The following CADM2 variants were observed in gnomAD, a reference collection of about 807,000 sequenced individuals.
CADM2 encodes cell adhesion molecule 2.
CADM2 carries 12 observed loss-of-function variants against 49.8 expected under a neutral mutation model. The observed-to-expected ratio is 0.24, with a 90% CI of 0.15 to 0.39. The LOEUF (loss-of-function observed/expected upper bound fraction) is 0.39. Among genes scored for constraint, CADM2 ranks in the 10% least tolerant of loss-of-function variants. CADM2 has a pLI of 1.00. For missense variants in CADM2, 378 were observed against 492.3 expected, an observed-to-expected ratio of 0.77 and a Z score of 2.20; for synonymous variants, 214 against 175.4, an observed-to-expected ratio of 1.22 and a Z score of -1.74.
intron 1 of CADM2, among the ~76,000 whole-genome samples, chr3:85,524,173 G>A (rs1464789938): frequency 6.6e-6 from 1 of 151,980 alleles, no homozygotes; most frequent in African/African-American, 2.4e-5. Context: ...TTCCCAAAGA[G>A]GCAGCTTTTT....
At chr3:85,347,546 A>C (rs995169256) in intron 1 of CADM2, among the ~76,000 whole-genome samples, 88 of 146,216 alleles carry the variant, frequency 6.0e-4, no homozygotes, top group Non-Finnish European at 1.0e-3. Flanking sequence ...CACATATATA[A>C]ATATATATAC....
intron 5 of CADM2, among the ~76,000 whole-genome samples, chr3:85,886,622 T>C (rs6796380): frequency 0.66 from 100,167 of 152,026 alleles, 33,604 homozygotes; most frequent in African/African-American, 0.77. Flanking sequence ...TATAGATTCA[T>C]ACTTCACAAT....
intron 8 of CADM2, among the ~76,000 whole-genome samples, chr3:86,022,061 C>G (rs1733263452): frequency 6.6e-6 from 1 of 152,136 alleles, no homozygotes; most frequent in South Asian, 2.1e-4. Context: ...TGCATTTTTA[C>G]TGTCTATATG....
Position 85,089,388 on chromosome 3 carries a change from A to C in CADM2, c.61+129720A>C, listed in dbSNP as rs144288820. ...AACAGAACTACAATGAAGTAATTTG[A>C]GTATTTTAAACTTGATACAATGCCT... On this transcript the variant is annotated intron_variant, in intron 1 of 9. Transcript: ENST00000383699. Among the ~76,000 whole-genome samples the C allele has an allele frequency of 3.5e-3, 540 of 152,244 alleles. 8 individuals carry two copies. Among genetic ancestry groups the C allele is most frequent in the African/African-American group, 0.011 (461 of 41,580 alleles).
intron 1 of CADM2, among the ~76,000 whole-genome samples, chr3:85,096,870 T>C (rs2107534705): frequency 6.6e-6 from 1 of 152,314 alleles, no homozygotes; most frequent in South Asian, 2.1e-4. Context: ...TTGTTTAACC[T>C]TCAGAGAATT....
At chr3:85,131,523 C>T (rs986814691) in intron 1 of CADM2, among the ~76,000 whole-genome samples, 1 of 152,028 alleles carries the variant, frequency 6.6e-6, no homozygotes, top group African/African-American at 2.4e-5. Flanking sequence ...TTGTAATACC[C>T]CTATAATGGA....
chr3:85,920,894 T>C (rs1282741717), intron 6 of CADM2, among the ~76,000 whole-genome samples: 1 of 151,582 alleles, frequency 6.6e-6, no homozygotes. Flanking sequence ...TATAACATAC[T>C]CTCAAATTTC....
At chr3:85,447,378 T>C (rs529789475) in intron 1 of CADM2, among the ~76,000 whole-genome samples, 3 of 152,314 alleles carry the variant, frequency 2.0e-5, no homozygotes, top group Admixed American at 6.5e-5. Context: ...TAGTTGATTT[T>C]AAATTCCTTT....
chr3:85,474,351 C>CT (rs1347885394), intron 1 of CADM2, among the ~76,000 whole-genome samples: 5 of 151,864 alleles, frequency 3.3e-5, no homozygotes, highest in African/African-American at 1.2e-4. Context: ...GGAGGCCAGT[C>CT]TTTGTTTTAA....
chr3:85,945,843 G>A (rs537495632), intron 7 of CADM2, among the ~76,000 whole-genome samples: 1 of 152,148 alleles, frequency 6.6e-6, no homozygotes, highest in African/African-American at 2.4e-5. Context: ...GCAAAAACTG[G>A]AAGCATTCCC....
At chr3:85,644,753 C>A (rs954359342) in intron 1 of CADM2, among the ~76,000 whole-genome samples, 1 of 152,146 alleles carries the variant, frequency 6.6e-6, no homozygotes, top group Non-Finnish European at 1.5e-5. Context: ...AACTCTGGCT[C>A]ATTTCTAGAG....
intron 1 of CADM2, among the ~76,000 whole-genome samples, chr3:85,165,844 T>C (rs1415992317): frequency 6.6e-6 from 1 of 151,844 alleles, no homozygotes; most frequent in East Asian, 1.9e-4. Flanking sequence ...TCTCTGAATC[T>C]AATATTCTCA....
chr3:85,786,730 T>C (rs976604072), intron 2 of CADM2, among the ~76,000 whole-genome samples: 16 of 152,072 alleles, frequency 1.1e-4, no homozygotes, highest in Non-Finnish European at 8.8e-5. Context: ...CAGTATCTTA[T>C]GTCTGTCAGA....
At chr3:85,479,740 A>T (rs2039131549) in intron 1 of CADM2, among the ~76,000 whole-genome samples, 1 of 151,936 alleles carries the variant, frequency 6.6e-6, no homozygotes, top group African/African-American at 2.4e-5. Context: ...TTATTTAGCT[A>T]AGTGGTGCTG....
chr3:85,387,562 T>C (rs1195642413), intron 1 of CADM2, among the ~76,000 whole-genome samples: 1 of 152,188 alleles, frequency 6.6e-6, no homozygotes, highest in African/African-American at 2.4e-5. Context: ...AACACTGAAC[T>C]CTTGTATAAC....
chr3:85,049,327 GTTTA>G (rs141705505), intron 1 of CADM2, among the ~76,000 whole-genome samples: 51,583 of 146,066 alleles, frequency 0.35, 11,376 homozygotes, highest in Non-Finnish European at 0.5. Context: ...TGCAGGTTTA[GTTTA>G]TTTATTTATT....
chr3:85,110,996 C>T (rs1156842916), intron 1 of CADM2, among the ~76,000 whole-genome samples: 1 of 151,756 alleles, frequency 6.6e-6, no homozygotes, highest in Non-Finnish European at 1.5e-5. Flanking sequence ...GTATGTCTTT[C>T]CCATCTACCT....
At chr3:85,761,563 G>A (rs1053671479) in intron 2 of CADM2, among the ~76,000 whole-genome samples, 3 of 151,558 alleles carry the variant, frequency 2.0e-5, no homozygotes, top group African/African-American at 2.4e-5. Context: ...TTTTAATAGA[G>A]ATGGGGTTTC....
At chr3:85,549,789 A>ATTTTTTTTTTTTTTT (rs71617942) in intron 1 of CADM2, among the ~76,000 whole-genome samples, 6 of 134,836 alleles carry the variant, frequency 4.4e-5, no homozygotes, top group African/African-American at 1.1e-4. Flanking sequence ...ATGCTGGGCT[A>ATTTTTTTTTTTTTTT]TTTTTTTTTT....
Sources: allele counts gnomAD v4.1 joint callset (sites outside exome capture counted in the v4.1 genomes callset), GRCh38; gene constraint gnomAD v4.1.1; transcripts MANE v1.5; gene names NCBI Gene and HGNC (gene_info 2026-07-23, HGNC 2026-07-21).